The following VPS37A variants were observed in gnomAD, a reference collection of about 807,000 sequenced individuals.
VPS37A encodes the protein vacuolar protein sorting-associated protein 37A.
VPS37A carries 30 observed loss-of-function variants against 49.8 expected under a neutral mutation model. That is an observed-to-expected ratio of 0.60 (90% confidence interval 0.45 to 0.82). The LOEUF (loss-of-function observed/expected upper bound fraction) is 0.82. Among genes scored for constraint, VPS37A ranks in the 40% least tolerant of loss-of-function variants. The pLI, the probability that VPS37A is intolerant of heterozygous loss-of-function variation, is 0.00. For missense variants in VPS37A, 593 were observed against 464.4 expected, an observed-to-expected ratio of 1.28 and a Z score of -2.55; for synonymous variants, 195 against 160.6, an observed-to-expected ratio of 1.21 and a Z score of -1.62.
At chr8:17,315,134 T>G in the VPS37A span, among the ~76,000 whole-genome samples, 3 of 152,340 alleles carry the variant, frequency 2.0e-5, no homozygotes, top group Non-Finnish European at 4.4e-5. Context: ...AAATGTAGTA[T>G]GTCCTGACAA....
chr8:17,287,445 C>T (rs780700745), intron 11 of VPS37A, among the ~76,000 whole-genome samples: 12 of 152,152 alleles, frequency 7.9e-5, no homozygotes, highest in African/African-American at 2.6e-4. Flanking sequence ...GAGGCCGAGG[C>T]GTGTGGATCA....
chr8:17,303,367 C>G (rs1018685160), downstream of VPS37A, among the ~76,000 whole-genome samples: 1 of 151,956 alleles, frequency 6.6e-6, no homozygotes, highest in African/African-American at 2.4e-5. Flanking sequence ...GAAAAAAAAC[C>G]TTGAGAAACG....
chr8:17,289,195 GTCTTTAGTT>G (rs1186656050), intron 11 of VPS37A, among the ~76,000 whole-genome samples: 3 of 152,036 alleles, frequency 2.0e-5, no homozygotes, highest in African/African-American at 7.2e-5. Context: ...TGTGCATAAG[GTCTTTAGTT>G]TTATTAGATC....
intron 4 of VPS37A, among the ~76,000 whole-genome samples, chr8:17,272,262 C>G (rs1814066767): frequency 6.6e-6 from 1 of 152,146 alleles, no homozygotes; most frequent in East Asian, 1.9e-4. Context: ...AAGCTACTCC[C>G]ACACTTTAGA....
At chr8:17,321,792 C>T in the VPS37A span, among the ~76,000 whole-genome samples, 1 of 152,106 alleles carries the variant, frequency 6.6e-6, no homozygotes, top group Non-Finnish European at 1.5e-5. Flanking sequence ...GTTTCATGCC[C>T]AGGTCTAGTG....
chr8:17,300,803 T>G (rs4921744), downstream of VPS37A, among the ~76,000 whole-genome samples: 58,966 of 152,092 alleles, frequency 0.39, 12,148 homozygotes, highest in Non-Finnish European at 0.47. Flanking sequence ...TGGCTACTAC[T>G]GATCAACTTC....
chr8:17,332,279 A>G, the VPS37A span, among the ~76,000 whole-genome samples: 4 of 152,226 alleles, frequency 2.6e-5, no homozygotes, highest in Admixed American at 2.6e-4. Context: ...AAAAGCTAAA[A>G]GAGCTAAGTT....
At chr8:17,264,681 A>C (rs370359376) in intron 1 of VPS37A, among the ~76,000 whole-genome samples, 8 of 152,334 alleles carry the variant, frequency 5.3e-5, no homozygotes, top group African/African-American at 1.7e-4. Context: ...CTGTTAGAAG[A>C]AGCATCCAAA....
At chr8:17,260,523 T>C (rs1812873098) in intron 1 of VPS37A, among the ~76,000 whole-genome samples, 1 of 152,180 alleles carries the variant, frequency 6.6e-6, no homozygotes, top group African/African-American at 2.4e-5. Flanking sequence ...GATTCTGGGT[T>C]TCTCTGTGTA....
At chr8:17,275,611 G>A (rs932721864) in intron 5 of VPS37A, among the ~76,000 whole-genome samples, 1 of 152,148 alleles carries the variant, frequency 6.6e-6, no homozygotes, top group Non-Finnish European at 1.5e-5. Flanking sequence ...CAAGTGTTCC[G>A]TTGGTTTAAA....
In VPS37A at chr8:17,247,042, C is replaced by T. The variant is rs1008694946; in HGVS notation, c.-203C>T. 2 of 673,914 alleles carry T rather than the reference C, an allele frequency of 3.0e-6. No homozygotes were observed. The highest frequency in any genetic ancestry group is 4.9e-6 in the Non-Finnish European group (2 of 407,220). The allele number at this position is 673,914 out of a possible 1,614,324, so 41.7% of individuals were successfully genotyped here. A position where few individuals can be genotyped will look rare whatever the true frequency, so the allele number is the denominator to read the frequency against. ...CTCCTGTTCCGGGCCGCAAGTTTCCCTCTCCAGCCGCCCGCCGTTCGTAGC... is the reference window on the plus strand; with the variant it reads ...CTCCTGTTCCGGGCCGCAAGTTTCCTTCTCCAGCCGCCCGCCGTTCGTAGC... On this transcript the variant is annotated 5_prime_UTR_variant, in exon 1 of 12. Transcript: ENST00000324849.
downstream of VPS37A, among the ~76,000 whole-genome samples, chr8:17,306,600 C>T (rs1347295136): frequency 1.3e-5 from 2 of 152,100 alleles, no homozygotes; most frequent in East Asian, 3.8e-4. Context: ...GCCCTTTACA[C>T]TACTGTGTGA....
intron 1 of VPS37A, among the ~76,000 whole-genome samples, chr8:17,257,020 A>G (rs960473660): frequency 3.3e-5 from 5 of 152,168 alleles, no homozygotes; most frequent in African/African-American, 1.2e-4. Context: ...GTACTGAAGC[A>G]TTTCCTCAAT....
chr8:17,304,998 C>G (rs956036062), downstream of VPS37A, among the ~76,000 whole-genome samples: 1 of 152,144 alleles, frequency 6.6e-6, no homozygotes, highest in African/African-American at 2.4e-5. Context: ...CAAGCAGATA[C>G]TGTTAGAATT....
At chr8:17,288,161 A>G (rs771978906) in intron 11 of VPS37A, among the ~76,000 whole-genome samples, 3 of 152,220 alleles carry the variant, frequency 2.0e-5, no homozygotes, top group Non-Finnish European at 2.9e-5. Context: ...ATTTATATGA[A>G]CATACTCAAA....
At position 17,255,572 on chromosome 8, in the gene VPS37A, G is replaced by C. The variant is rs139708160; in HGVS notation, c.125+8203G>C. Among the ~76,000 whole-genome samples, 4 of 152,170 alleles carry C rather than the reference G, an allele frequency of 2.6e-5. No individual in the cohort carries two copies. In the East Asian group the frequency reaches 7.7e-4, roughly 29 times the overall value. ...TAAATTATTGTTTATTCTGTAAAAGGAAGCTTCAGAAATAGTGCCTCTGTT... is the reference window on the plus strand; with the variant it reads ...TAAATTATTGTTTATTCTGTAAAAGCAAGCTTCAGAAATAGTGCCTCTGTT... On this transcript the variant is annotated intron_variant, in intron 1 of 11. Transcript: ENST00000324849.
chr8:17,300,283 T>C (rs1453109596), downstream of VPS37A: 5 of 1,503,934 alleles, frequency 3.3e-6, no homozygotes, highest in Non-Finnish European at 4.5e-6. Flanking sequence ...TTTTTCTATA[T>C]ATGCATGTCT....
intron 1 of VPS37A, among the ~76,000 whole-genome samples, chr8:17,253,005 G>C (rs1401370871): frequency 6.6e-6 from 1 of 152,122 alleles, no homozygotes; most frequent in African/African-American, 2.4e-5. Flanking sequence ...CAGTGATTAA[G>C]ACGTATAATT....
chr8:17,322,993 G>A, the VPS37A span, among the ~76,000 whole-genome samples: 1 of 141,474 alleles, frequency 7.1e-6, no homozygotes, highest in Admixed American at 7.7e-5. Flanking sequence ...TGTCGCCCAG[G>A]CTGGAGTGCA....
Sources: allele counts gnomAD v4.1 joint callset (sites outside exome capture counted in the v4.1 genomes callset), GRCh38; gene constraint gnomAD v4.1.1; transcripts MANE v1.5; gene names NCBI Gene and HGNC (gene_info 2026-07-23, HGNC 2026-07-21).